The following TRDN variants were observed in gnomAD, a reference collection of about 807,000 sequenced individuals.
TRDN encodes the protein triadin.
Under a neutral mutation model 149.7 loss-of-function variants are expected in TRDN, and 161 were observed. The ratio of observed to expected loss-of-function variants is 1.08; its 90% CI spans 0.95 to 1.23. TRDN has a LOEUF of 1.23. Among genes scored for constraint, TRDN ranks in the 50% most tolerant of loss-of-function variants. TRDN has a pLI of 0.00. For synonymous variants in TRDN, 294 were observed against 250.5 expected (o/e 1.17, Z -1.64); for missense variants, 896 against 823.5 (o/e 1.09, Z -1.08).
chr6:123,334,199 T>C (rs1779777200), intron 22 of TRDN, among the ~76,000 whole-genome samples: 1 of 151,972 alleles, frequency 6.6e-6, no homozygotes, highest in Admixed American at 6.6e-5. Flanking sequence ...CAAATGGAAG[T>C]TGGGGGATCA....
At chr6:123,607,865 T>A (rs1784592175) in intron 1 of TRDN, among the ~76,000 whole-genome samples, 1 of 151,800 alleles carries the variant, frequency 6.6e-6, no homozygotes, top group Non-Finnish European at 1.5e-5. Context: ...TTTTTTTTTT[T>A]TTTAATTAGA....
intron 20 of TRDN, among the ~76,000 whole-genome samples, chr6:123,361,196 G>T (rs1162397550): frequency 6.6e-6 from 1 of 152,120 alleles, no homozygotes; most frequent in Non-Finnish European, 1.5e-5. Context: ...AGAATACTAT[G>T]CAGCCATAAA....
At chr6:123,362,971 ATG>A (rs1171671264) in intron 20 of TRDN, among the ~76,000 whole-genome samples, 2 of 152,174 alleles carry the variant, frequency 1.3e-5, no homozygotes, top group African/African-American at 2.4e-5. Context: ...ACTAAATACT[ATG>A]TATCTCCAAA....
intron 38 of TRDN, among the ~76,000 whole-genome samples, chr6:123,244,595 G>A (rs543128215): frequency 6.6e-6 from 1 of 152,240 alleles, no homozygotes; most frequent in East Asian, 1.9e-4. Context: ...ATAGGACTAT[G>A]TGAAAAGACC....
intron 23 of TRDN, among the ~76,000 whole-genome samples, chr6:123,317,844 G>T: frequency 6.6e-6 from 1 of 151,940 alleles, no homozygotes; most frequent in East Asian, 1.9e-4. Context: ...TATATAGAAT[G>T]ACTAAAGGCT....
At chr6:123,521,704 T>C (rs1182803821) in intron 5 of TRDN, among the ~76,000 whole-genome samples, 1 of 152,108 alleles carries the variant, frequency 6.6e-6, no homozygotes, top group East Asian at 1.9e-4. Flanking sequence ...AGGACTGATG[T>C]CAGCTTAGCT....
chr6:123,587,197 C>T (rs757971339), intron 1 of TRDN, among the ~76,000 whole-genome samples: 19 of 152,106 alleles, frequency 1.2e-4, no homozygotes, highest in Middle Eastern at 3.2e-3. Flanking sequence ...GGCGTCCCTG[C>T]GTGGTCTGAC....
At chr6:123,244,499 C>T (rs4374837) in intron 38 of TRDN, among the ~76,000 whole-genome samples, 116,584 of 151,972 alleles carry the variant, frequency 0.77, 45,180 homozygotes, top group Admixed American at 0.84. Flanking sequence ...GTAACAGAGA[C>T]TAAAGATCAA....
intron 1 of TRDN, among the ~76,000 whole-genome samples, chr6:123,576,355 C>T (rs1035171459): frequency 6.6e-6 from 1 of 152,016 alleles, no homozygotes; most frequent in East Asian, 1.9e-4. Flanking sequence ...CCTAAATTGC[C>T]ACCTTTTCTC....
chr6:123,595,260 A>T (rs1783976212), intron 1 of TRDN, among the ~76,000 whole-genome samples: 1 of 152,108 alleles, frequency 6.6e-6, no homozygotes, highest in Admixed American at 6.6e-5. Context: ...TTTTGAATAA[A>T]AGTCTTTTAC....
chr6:123,576,724 G>C (rs1463224043), intron 1 of TRDN, among the ~76,000 whole-genome samples: 1 of 152,034 alleles, frequency 6.6e-6, no homozygotes, highest in Non-Finnish European at 1.5e-5. Context: ...CAAACATTCA[G>C]ACCATAGCAA....
At chr6:123,576,462 TTTTAA>T (rs150546176) in intron 1 of TRDN, among the ~76,000 whole-genome samples, 13,713 of 137,210 alleles carry the variant, frequency 0.1, 747 homozygotes, top group African/African-American at 0.16. Context: ...GGTTTTTCTT[TTTTAA>T]TTTATTTTTA....
At chr6:123,530,351 T>C (rs74969374) in intron 5 of TRDN, among the ~76,000 whole-genome samples, 155 bp downstream of exon 5, 525 of 32,132 alleles carry the variant, frequency 0.016, 24 homozygotes, top group East Asian at 0.15. Flanking sequence ...TGAAATTAAC[T>C]GATATACATT....
At chr6:123,440,638 C>T (rs1356979046) in intron 10 of TRDN, among the ~76,000 whole-genome samples, 1 of 152,082 alleles carries the variant, frequency 6.6e-6, no homozygotes, top group African/African-American at 2.4e-5. Flanking sequence ...AACACTAATG[C>T]CATACTAACC....
At position 123,252,346 on chromosome 6, in the gene TRDN, G is replaced by A. The variant is rs548518189; in HGVS notation, c.1975+66C>T. The A allele has an allele frequency of 6.1e-6, 6 of 977,550 alleles. No homozygotes were observed. The South Asian group carries it at 7.4e-5, about 12-fold the overall frequency. The allele number at this position is 977,550 out of a possible 1,614,324, so 60.6% of individuals were successfully genotyped here. ...CACTTCAAAAATAAAAATATTTTAT[G>A]AATTTCATCTTAAAATTGATACTAT... On this transcript the variant is annotated intron_variant, in intron 38 of 40. Coordinates refer to ENST00000334268, the MANE Select transcript of TRDN (RefSeq NM_006073.4).
chr6:123,527,037 G>T (rs1325675309), intron 5 of TRDN, among the ~76,000 whole-genome samples: 1 of 151,788 alleles, frequency 6.6e-6, no homozygotes, highest in Non-Finnish European at 1.5e-5. Context: ...TGAAATAAAG[G>T]CAAAGAAAGA....
At chr6:123,477,850 A>T (rs1357486100) in intron 9 of TRDN, among the ~76,000 whole-genome samples, 2 of 147,696 alleles carry the variant, frequency 1.4e-5, no homozygotes, top group African/African-American at 5.0e-5. Flanking sequence ...ATAGGTGGGA[A>T]TTGAACGATG....
At chr6:123,379,619 A>G (rs1781638684) in intron 16 of TRDN, among the ~76,000 whole-genome samples, 1 of 152,158 alleles carries the variant, frequency 6.6e-6, no homozygotes, top group Non-Finnish European at 1.5e-5. Context: ...TTAAAAGTTA[A>G]AATAAAGTCC....
intron 26 of TRDN, among the ~76,000 whole-genome samples, chr6:123,275,580 A>G (rs533268039): frequency 2.0e-5 from 3 of 152,294 alleles, no homozygotes; most frequent in African/African-American, 7.2e-5. Flanking sequence ...TAGCCATCCA[A>G]GGAAACTAAT....
Sources: gnomAD v4.1 joint callset for allele counts (sites outside exome capture counted in the v4.1 genomes callset) on GRCh38, gnomAD v4.1.1 for gene constraint, MANE v1.5 for transcripts, NCBI Gene and HGNC (gene_info 2026-07-23, HGNC 2026-07-21) for gene names.